The following DOCK11 variants were observed in gnomAD, a reference collection of about 807,000 sequenced individuals.
The protein encoded by DOCK11 is dedicator of cytokinesis protein 11.
In DOCK11, 70 loss-of-function variants were observed where a neutral mutation model predicts 169.1. The ratio of observed to expected loss-of-function variants is 0.41; its 90% CI spans 0.34 to 0.51. The LOEUF is 0.51. DOCK11 is among the 20% of genes least tolerant of loss of function. The pLI is 0.10. For missense variants in DOCK11, 1,166 were observed against 1,538.8 expected (o/e 0.76, Z 4.05); for synonymous variants, 529 against 541.3 (o/e 0.98, Z 0.32).
intron 1 of DOCK11, among the ~76,000 whole-genome samples, chrX:118,510,213 G>A (rs1295108783): frequency 8.9e-6 from 1 of 112,086 alleles, no homozygotes; most frequent in African/African-American, 3.2e-5. Context: ...TGGAATCCTG[G>A]GGTCAGAGGG....
At chrX:118,670,030 C>T (rs2016429949) in intron 45 of DOCK11, among the ~76,000 whole-genome samples, 1 of 111,839 alleles carries the variant, frequency 8.9e-6, no homozygotes, top group Admixed American at 9.5e-5. Flanking sequence ...TCTGCAATGA[C>T]TTTATTTTCA....
chrX:118,507,091 G>A (rs929413971), intron 1 of DOCK11, among the ~76,000 whole-genome samples: 2 of 112,018 alleles, frequency 1.8e-5, no homozygotes, highest in East Asian at 5.6e-4. Flanking sequence ...CACTTTTATT[G>A]CCTATTGAGT....
chrX:118,604,306 G>A (rs760175306), intron 23 of DOCK11, among the ~76,000 whole-genome samples: 104 of 111,461 alleles, frequency 9.3e-4, no homozygotes, highest in Non-Finnish European at 1.9e-3. Flanking sequence ...AGAGTAAAGA[G>A]AAATTGTACA....
intron 32 of DOCK11, among the ~76,000 whole-genome samples, chrX:118,626,400 C>T (rs2015106255): frequency 9.0e-6 from 1 of 111,218 alleles, no homozygotes; most frequent in Non-Finnish European, 1.9e-5. Context: ...GTGGTCACCC[C>T]TTTTCCAAAT....
rs1329274889 is a variant in DOCK11 at position 118,495,920 on chromosome X, A to ACCCGCCCGCCGAGGTCCG, written c.-38_-21dup. The ACCCGCCCGCCGAGGTCCG allele has an allele frequency of 1.1e-6, 1 of 882,746 alleles. No homozygotes were observed. Among genetic ancestry groups the ACCCGCCCGCCGAGGTCCG allele is most frequent in the Non-Finnish European group, 1.4e-6 (1 of 692,717 alleles). 72.7% of individuals were successfully genotyped at this position (882,746 alleles called of 1,213,427 possible). A position where few individuals can be genotyped will look rare whatever the true frequency, so the allele number is the denominator to read the frequency against. On this transcript the variant is annotated 5_prime_UTR_variant, in exon 1 of 53. Transcript: ENST00000276202. ...CGCCGCGGGCCGGGGCAGTGAGTCC[A>ACCCGCCCGCCGAGGTCCG]CCCGCCCGCCGAGGTCCGCCCGCCC...
chrX:118,496,304 CGG>C (rs2057536578), intron 1 of DOCK11, among the ~76,000 whole-genome samples: 1 of 48 alleles, frequency 0.021, no homozygotes, highest in Non-Finnish European at 0.038. Context: ...TGGAAGCAGA[CGG>C]GCAAAAGCCG....
At position 118,610,260 on chromosome X, in the gene DOCK11, A is replaced by G. The variant is rs373114488; in HGVS notation, c.2950-12A>G. ...GGAAGTCTGACTTTTTTCTGTGCCT[A>G]TTTCATTTCAGCTTCCCCGAGGCCA... On this transcript the variant is annotated splice_polypyrimidine_tract_variant and intron_variant, in intron 27 of 52. Coordinates refer to ENST00000276202, the MANE Select transcript of DOCK11 (RefSeq NM_144658.4). 778 of 1,208,924 alleles carry G rather than the reference A, an allele frequency of 6.4e-4. 3 individuals are homozygous for G. Among genetic ancestry groups the G allele is most frequent in the Middle Eastern group, 9.2e-4 (4 of 4,353 alleles).
chrX:118,561,651 T>G, intron 7 of DOCK11, 134 bp downstream of exon 7: 1 of 641,619 alleles, frequency 1.6e-6, no homozygotes. Context: ...GGAGGATCGC[T>G]TGAGCCTAGG....
chrX:118,586,484 A>G (rs1056133134), intron 16 of DOCK11, among the ~76,000 whole-genome samples: 3 of 111,384 alleles, frequency 2.7e-5, no homozygotes, highest in African/African-American at 6.5e-5. Flanking sequence ...CAAGAACAGC[A>G]TGGGGGAAAC....
chrX:118,559,766 T>A (rs2012842781), intron 6 of DOCK11, among the ~76,000 whole-genome samples: 1 of 111,510 alleles, frequency 9.0e-6, no homozygotes, highest in Non-Finnish European at 1.9e-5. Context: ...CATGCATATA[T>A]AATCACCATT....
chrX:118,652,032 T>C lies in DOCK11; in HGVS notation c.4650T>C (p.Ser1550=). ...ALSGGSRFQE[S]LFIINNFANS... ...GCGGAGGATCAAGATTTCAGGAGTC[T>C]TTATTCATTATCAATAATTTTGCAA... The change falls in exon 42 of 53, where the codon TCT becomes TCC. Residue 1550 remains serine (S), a synonymous_variant. Transcript: ENST00000276202. The C allele has an allele frequency of 8.3e-7, 1 of 1,206,010 alleles. No individual in the cohort carries two copies. Among genetic ancestry groups the C allele is most frequent in the Non-Finnish European group, 1.1e-6 (1 of 891,923 alleles).
chrX:118,592,765 G>A (rs181423600), intron 19 of DOCK11, among the ~76,000 whole-genome samples: 3 of 112,203 alleles, frequency 2.7e-5, no homozygotes, highest in East Asian at 5.6e-4. Context: ...TAAGACCATC[G>A]TTACTTTTTG....
intron 45 of DOCK11, among the ~76,000 whole-genome samples, chrX:118,669,150 G>A (rs942106101): frequency 9.0e-6 from 1 of 111,479 alleles, no homozygotes; most frequent in Non-Finnish European, 1.9e-5. Context: ...GTATTTGAAA[G>A]GGCTAAGACT....
intron 28 of DOCK11, among the ~76,000 whole-genome samples, chrX:118,611,648 A>G (rs1242607712): frequency 1.8e-5 from 2 of 112,820 alleles, no homozygotes; most frequent in Admixed American, 9.3e-5. Context: ...GAAGAAAACT[A>G]TATTTATGAA....
In DOCK11 at chrX:118,519,061, AT is replaced by A. The variant is rs1001736227; in HGVS notation, c.102+22995del. Among the ~76,000 whole-genome samples the A allele has an allele frequency of 5.4e-5, 6 of 111,737 alleles. No individual in the cohort carries two copies. The Admixed American group carries it at 5.7e-4, about 11-fold the overall frequency. ...TTTTCTGCCTGTCAGTAGTCCTAAT[AT>A]TTTTTTAAAAAAACTTTTTGTCCCA... On this transcript the variant is annotated intron_variant, in intron 1 of 52. Coordinates refer to ENST00000276202, the MANE Select transcript of DOCK11 (RefSeq NM_144658.4).
chrX:118,665,544 A>G (rs2016319978), intron 45 of DOCK11, among the ~76,000 whole-genome samples: 1 of 112,342 alleles, frequency 8.9e-6, no homozygotes, highest in South Asian at 3.7e-4. Context: ...TAAGGAGAGC[A>G]ATAACTTTTC....
At chrX:118,592,840 G>GT (rs2014045609) in intron 19 of DOCK11, among the ~76,000 whole-genome samples, 1 of 112,522 alleles carries the variant, frequency 8.9e-6, no homozygotes, top group African/African-American at 3.2e-5. Context: ...AAAAAAAGTT[G>GT]TTTTTCAGAT....
intron 12 of DOCK11, among the ~76,000 whole-genome samples, chrX:118,577,226 A>C (rs961721196): frequency 1.5e-4 from 17 of 112,340 alleles, no homozygotes; most frequent in Non-Finnish European, 2.4e-4. Context: ...ACTGCTCAGC[A>C]TACCTTCTGC....
In DOCK11 at chrX:118,566,647, G is replaced by A; in HGVS notation, c.945G>A (p.Leu315=). The A allele has an allele frequency of 8.3e-7, 1 of 1,208,044 alleles. No individual in the cohort carries two copies. ...TGGAAAGGAGCATGCATCCGGAACTGATGAAGGTACATCTTTCATATGGCA... is the reference window on the plus strand; with the variant it reads ...TGGAAAGGAGCATGCATCCGGAACTAATGAAGGTACATCTTTCATATGGCA... The part of the protein sequence containing the change: ...ASLERSMHPE[L]MKYGRETEQL... Residue 315 remains leucine (L), a synonymous_variant, in exon 9 of 53, where the codon CTG becomes CTA. Coordinates refer to ENST00000276202, the MANE Select transcript of DOCK11 (RefSeq NM_144658.4).
Sources: allele counts gnomAD v4.1 joint callset (sites outside exome capture counted in the v4.1 genomes callset), GRCh38; gene constraint gnomAD v4.1.1; transcripts MANE v1.5; gene names NCBI Gene and HGNC (gene_info 2026-07-23, HGNC 2026-07-21).